SUPT3H: variants seen among roughly 807,000 people sequenced by gnomAD.
The protein encoded by SUPT3H is SPT3 homolog, SAGA and STAGA complex component.
In SUPT3H, 44 loss-of-function variants were observed where a neutral mutation model predicts 44.3. The ratio of observed to expected loss-of-function variants is 0.99; its 90% CI spans 0.78 to 1.28. The LOEUF is 1.28. Among genes scored for constraint, SUPT3H ranks in the 50% most tolerant of loss-of-function variants. The pLI is 0.00. For missense variants in SUPT3H, 380 were observed against 387.1 expected (o/e 0.98, Z 0.15); for synonymous variants, 124 against 125.6 (o/e 0.99, Z 0.09).
chr6:44,819,486 A>T (rs535414583), intron 11 of SUPT3H, among the ~76,000 whole-genome samples: 34 of 144,428 alleles, frequency 2.4e-4, no homozygotes, highest in Admixed American at 2.0e-3. Context: ...CAGACTAAGC[A>T]TTTTTTTTTT....
intron 2 of SUPT3H, among the ~76,000 whole-genome samples, chr6:45,278,864 A>T (rs2153665199): frequency 6.6e-6 from 1 of 152,358 alleles, no homozygotes; most frequent in South Asian, 2.1e-4. Context: ...CATGAATAAG[A>T]CAATAAACAC....
At chr6:44,888,035 G>A (rs1472562908) in intron 10 of SUPT3H, among the ~76,000 whole-genome samples, 3 of 152,116 alleles carry the variant, frequency 2.0e-5, no homozygotes, top group Admixed American at 2.0e-4. Flanking sequence ...TAAATTCCTG[G>A]ACACATACAC....
Position 44,954,534 on chromosome 6 carries a change from C to T in SUPT3H, c.654G>A (p.Met218Ile). ...CATACGCTAAATATGCTAAGATTTC[C>T]ATTGCGACAACATTGGGTTTTATCT... is the stretch of plus-strand genomic sequence containing the variant. ...SMEIKPNVVA[M>I]EILAYLAYET... is the part of the protein sequence containing the mutation. Residue 218 changes from methionine to isoleucine, a missense_variant, in exon 8 of 11, where the codon ATG (methionine) becomes ATA (isoleucine). By Grantham distance (10) the Met-to-Ile change is conservative. Transcript: ENST00000371459. 1 of 1,614,078 alleles carries T rather than the reference C, an allele frequency of 6.2e-7. No individual in the cohort carries two copies. The highest frequency in any genetic ancestry group is 8.5e-7 in the Non-Finnish European group (1 of 1,179,988).
chr6:45,122,159 A>AGCAT (rs1801774724), intron 2 of SUPT3H, among the ~76,000 whole-genome samples: 1 of 152,198 alleles, frequency 6.6e-6, no homozygotes, highest in Non-Finnish European at 1.5e-5. Flanking sequence ...TGTCACCTTT[A>AGCAT]TTACGCTGTA....
intron 2 of SUPT3H, among the ~76,000 whole-genome samples, chr6:45,315,005 T>C (rs1018920716): frequency 4.6e-5 from 7 of 152,134 alleles, no homozygotes; most frequent in African/African-American, 1.4e-4. Flanking sequence ...CCAACTGATC[T>C]TTGACAAAAC....
At position 45,158,296 on chromosome 6, in the gene SUPT3H, ATATTTTTTT is replaced by A. The variant is rs1562573235; in HGVS notation, c.102-52299_102-52291del. 1.2e-4 allele frequency among the ~76,000 whole-genome samples: 9 copies of A among 72,028 alleles called. 1 individual carries two copies. The highest frequency in any genetic ancestry group is 3.2e-4 in the African/African-American group (3 of 9,442). The allele number at this position is 72,028 out of a possible 152,430, so 47.3% of individuals were successfully genotyped here. A position where few individuals can be genotyped will look rare whatever the true frequency, so the allele number is the denominator to read the frequency against. ...TATACATATATATATATATATATAT[ATATTTTTTT>A]TTTTTTTTTTTTGAGATGGAGTCTC... is the stretch of plus-strand genomic sequence containing the variant. On this transcript the variant is annotated intron_variant, in intron 2 of 10. Transcript: ENST00000371459.
At chr6:45,297,867 C>T (rs1256663042) in intron 2 of SUPT3H, among the ~76,000 whole-genome samples, 1 of 152,132 alleles carries the variant, frequency 6.6e-6, no homozygotes, top group Non-Finnish European at 1.5e-5. Flanking sequence ...TTATCAGCTC[C>T]TTGTATTAGG....
chr6:45,119,831 G>C (rs943589053), intron 2 of SUPT3H, among the ~76,000 whole-genome samples: 1 of 151,866 alleles, frequency 6.6e-6, no homozygotes, highest in Non-Finnish European at 1.5e-5. Context: ...AAAGGAACCA[G>C]ATTAATGATT....
chr6:45,303,196 G>T (rs1007618327), intron 2 of SUPT3H, among the ~76,000 whole-genome samples: 3 of 152,080 alleles, frequency 2.0e-5, no homozygotes, highest in African/African-American at 7.2e-5. Context: ...AACCCTTCTA[G>T]ACCCTGGCTT....
chr6:45,377,620 A>T (rs56125317), intron 1 of SUPT3H, 148 bp downstream of exon 1: 2,424 of 152,212 alleles, frequency 0.016, 34 homozygotes, highest in South Asian at 0.036. Flanking sequence ...GTAGACCACG[A>T]AGACCCAGGC....
intron 10 of SUPT3H, among the ~76,000 whole-genome samples, chr6:44,930,551 T>G: frequency 1.8e-5 from 2 of 108,250 alleles, no homozygotes; most frequent in Non-Finnish European, 3.4e-5. Flanking sequence ...GCAAACAGAG[T>G]GAGACTCCGT....
chr6:45,256,450 C>A (rs1427610520), intron 2 of SUPT3H, among the ~76,000 whole-genome samples: 1 of 152,002 alleles, frequency 6.6e-6, no homozygotes, highest in Non-Finnish European at 1.5e-5. Context: ...TTAATCTCAT[C>A]GATGAGGGCA....
intron 2 of SUPT3H, among the ~76,000 whole-genome samples, chr6:45,244,352 C>T (rs1373575089): frequency 6.6e-6 from 1 of 152,146 alleles, no homozygotes; most frequent in African/African-American, 2.4e-5. Flanking sequence ...AAGATAAAAC[C>T]TATTAGCCAC....
intron 6 of SUPT3H, among the ~76,000 whole-genome samples, chr6:44,976,518 T>C (rs1193494926): frequency 1.3e-5 from 2 of 151,992 alleles, no homozygotes; most frequent in Non-Finnish European, 2.9e-5. Context: ...ACCACAACCA[T>C]GCCTGGCTAA....
chr6:45,145,518 C>A (rs574575640), intron 2 of SUPT3H, among the ~76,000 whole-genome samples: 1 of 152,160 alleles, frequency 6.6e-6, no homozygotes, highest in South Asian at 2.1e-4. Context: ...AAAATCAACT[C>A]AAGATGGATC....
intron 1 of SUPT3H, among the ~76,000 whole-genome samples, chr6:45,372,457 G>T (rs1483764426): frequency 6.6e-6 from 1 of 152,052 alleles, no homozygotes; most frequent in Non-Finnish European, 1.5e-5. Flanking sequence ...AGACTAATAT[G>T]AATAAAGTGA....
intron 4 of SUPT3H, 101 bp from the exon 5 acceptor site, chr6:45,014,992 G>A: frequency 1.7e-6 from 1 of 581,514 alleles, no homozygotes; most frequent in Non-Finnish European, 2.6e-6. Context: ...TGTACCCCAT[G>A]ATATCAGAGA....
At chr6:45,329,290 C>T (rs556250409) in intron 2 of SUPT3H, among the ~76,000 whole-genome samples, 12 of 152,012 alleles carry the variant, frequency 7.9e-5, no homozygotes, top group Middle Eastern at 3.4e-3. Flanking sequence ...ACATTTTAAC[C>T]AGCTCAACTA....
chr6:45,034,372 C>T (rs1373059963), intron 3 of SUPT3H, among the ~76,000 whole-genome samples: 4 of 151,826 alleles, frequency 2.6e-5, no homozygotes, highest in Admixed American at 2.6e-4. Flanking sequence ...AGACTAGCCT[C>T]CTGGAACACA....
Sources: gnomAD v4.1 joint callset for allele counts (sites outside exome capture counted in the v4.1 genomes callset) on GRCh38, gnomAD v4.1.1 for gene constraint, MANE v1.5 for transcripts, NCBI Gene and HGNC (gene_info 2026-07-23, HGNC 2026-07-21) for gene names.